SLX4IP: variants seen among roughly 807,000 people sequenced by gnomAD.
SLX4IP encodes protein SLX4IP.
A neutral mutation model predicts 32.9 loss-of-function variants in SLX4IP; 34 were observed. The observed-to-expected ratio is 1.03, with a 90% CI of 0.79 to 1.38. SLX4IP has a LOEUF of 1.38. SLX4IP is among the 40% of genes most tolerant of loss of function. The pLI is 0.00. For synonymous variants in SLX4IP, 172 were observed against 171.7 expected (o/e 1.00, Z -0.01); for missense variants, 444 against 479.0 (o/e 0.93, Z 0.68).
rs775951565 is a variant in SLX4IP, at chr20:10,622,730, C to G, written c.578C>G (p.Ser193Cys). 18 of 1,613,978 alleles carry G rather than the reference C, an allele frequency of 1.1e-5. No individual in the cohort carries two copies. Among genetic ancestry groups the G allele is most frequent in the Non-Finnish European group, 1.4e-5 (17 of 1,180,040 alleles). ...ACCAGAAGAGACACTGTGGAAACAT[C>G]TAGTGACTCAGTGATTGCAGAGATA... ...SQTRRDTVET[S>C]SDSVIAEIAR... Residue 193 changes from serine to cysteine, a missense_variant, in exon 8 of 8, where the codon TCT (serine) becomes TGT (cysteine). By Grantham distance (112) the Ser-to-Cys change is moderately radical (BLOSUM62 -1). Transcript: ENST00000334534.
At chr20:10,585,875 G>A (rs111327049) in intron 4 of SLX4IP, among the ~76,000 whole-genome samples, 3,731 of 152,218 alleles carry the variant, frequency 0.025, 93 homozygotes, top group Admixed American at 0.087. Flanking sequence ...ACAGGCATGA[G>A]CCACCGTGCC....
At chr20:10,583,089 C>T (rs780390648) in intron 4 of SLX4IP, among the ~76,000 whole-genome samples, 1 of 152,188 alleles carries the variant, frequency 6.6e-6, no homozygotes, top group East Asian at 1.9e-4. Flanking sequence ...TTATCTGTTG[C>T]CAGCATCCCA....
At chr20:10,469,042 C>T (rs920542742) in intron 2 of SLX4IP, among the ~76,000 whole-genome samples, 12 of 152,014 alleles carry the variant, frequency 7.9e-5, no homozygotes, top group African/African-American at 2.4e-4. Flanking sequence ...AAAAAAAAAT[C>T]GCAAAAAAAA....
chr20:10,601,123 T>G (rs2066836686), intron 5 of SLX4IP, among the ~76,000 whole-genome samples: 1 of 152,212 alleles, frequency 6.6e-6, no homozygotes, highest in Non-Finnish European at 1.5e-5. Context: ...GCAGCAATAA[T>G]AGATTACTAT....
chr20:10,471,276 A>G (rs541959933), intron 2 of SLX4IP, among the ~76,000 whole-genome samples: 12 of 152,350 alleles, frequency 7.9e-5, no homozygotes, highest in Admixed American at 6.5e-4. Context: ...ATCTTTATTT[A>G]TCCTCATCAT....
intron 2 of SLX4IP, among the ~76,000 whole-genome samples, chr20:10,529,287 G>A (rs1008460585): frequency 6.6e-6 from 1 of 151,942 alleles, no homozygotes; most frequent in Non-Finnish European, 1.5e-5. Context: ...AAAATAAATG[G>A]CATTTTAAAA....
chr20:10,569,172 T>C (rs1318523356), intron 4 of SLX4IP, among the ~76,000 whole-genome samples: 2 of 147,338 alleles, frequency 1.4e-5, no homozygotes, highest in African/African-American at 5.0e-5. Flanking sequence ...GCACCAGATC[T>C]AGATTTTTTT....
chr20:10,550,534 T>C (rs1339310269), intron 2 of SLX4IP, among the ~76,000 whole-genome samples: 2 of 152,076 alleles, frequency 1.3e-5, no homozygotes, highest in African/African-American at 4.8e-5. Context: ...CTTATTTGGG[T>C]TCCTGCAGTG....
chr20:10,518,429 C>T (rs55679529), intron 2 of SLX4IP, among the ~76,000 whole-genome samples: 6,376 of 59,914 alleles, frequency 0.11, 499 homozygotes, highest in Admixed American at 0.17. Context: ...CCTTCCCTCC[C>T]TCCCTCCTTC....
intron 6 of SLX4IP, among the ~76,000 whole-genome samples, chr20:10,609,922 T>A (rs1341868252): frequency 7.0e-6 from 1 of 143,020 alleles, no homozygotes; most frequent in Non-Finnish European, 1.6e-5. Context: ...GATTCATGAA[T>A]TCCTTAAAAT....
chr20:10,618,108 C>G (rs981162439), intron 6 of SLX4IP, among the ~76,000 whole-genome samples: 4 of 152,302 alleles, frequency 2.6e-5, no homozygotes, highest in Middle Eastern at 6.8e-3. Flanking sequence ...GTAATATCAC[C>G]CATTGTCATA....
intron 4 of SLX4IP, among the ~76,000 whole-genome samples, chr20:10,576,744 T>A (rs2066528217): frequency 6.6e-6 from 1 of 152,126 alleles, no homozygotes; most frequent in South Asian, 2.1e-4. Context: ...GTGTATGTAA[T>A]GAATGAATAG....
intron 2 of SLX4IP, among the ~76,000 whole-genome samples, chr20:10,509,444 A>G (rs576197680): frequency 7.2e-5 from 11 of 152,262 alleles, no homozygotes; most frequent in African/African-American, 2.6e-4. Flanking sequence ...TTGGGCTGTA[A>G]TTTATCTGAA....
chr20:10,570,418 A>G (rs2066448392), intron 4 of SLX4IP, among the ~76,000 whole-genome samples: 1 of 152,136 alleles, frequency 6.6e-6, no homozygotes, highest in Non-Finnish European at 1.5e-5. Context: ...ATGCAGGGGG[A>G]TCACCGGGCA....
At chr20:10,473,689 A>C (rs1600906264) in intron 2 of SLX4IP, among the ~76,000 whole-genome samples, 1 of 150,070 alleles carries the variant, frequency 6.7e-6, no homozygotes, top group African/African-American at 2.5e-5. Context: ...TGCAACCTTC[A>C]CCTCCCAGGT....
chr20:10,515,902 G>A (rs1328736177), intron 2 of SLX4IP, among the ~76,000 whole-genome samples: 1 of 152,126 alleles, frequency 6.6e-6, no homozygotes, highest in East Asian at 1.9e-4. Flanking sequence ...TGTGGTTGTT[G>A]TTTTGAGACT....
At chr20:10,578,037 A>G (rs1287808687) in intron 4 of SLX4IP, among the ~76,000 whole-genome samples, 2 of 152,236 alleles carry the variant, frequency 1.3e-5, no homozygotes, top group African/African-American at 4.8e-5. Context: ...TCAACAATCC[A>G]TTTAGCTGAA....
chr20:10,566,183 C>G (rs1352826512), intron 4 of SLX4IP, among the ~76,000 whole-genome samples: 1 of 151,988 alleles, frequency 6.6e-6, no homozygotes, highest in Non-Finnish European at 1.5e-5. Context: ...ACCTTCATTC[C>G]CCCAGGATTT....
chr20:10,578,439 A>T (rs1337024982), intron 4 of SLX4IP, among the ~76,000 whole-genome samples: 1 of 152,356 alleles, frequency 6.6e-6, no homozygotes, highest in African/African-American at 2.4e-5. Flanking sequence ...ATTACAAATA[A>T]TGTTCCATGG....
Sources: gnomAD v4.1 joint callset for allele counts (sites outside exome capture counted in the v4.1 genomes callset) on GRCh38, gnomAD v4.1.1 for gene constraint, MANE v1.5 for transcripts, NCBI Gene and HGNC (gene_info 2026-07-23, HGNC 2026-07-21) for gene names.